The following ANKMY1 variants were observed in gnomAD, a reference collection of about 807,000 sequenced individuals.
ANKMY1 encodes ankyrin repeat and MYND domain-containing protein 1.
In ANKMY1, 98 loss-of-function variants were observed where a neutral mutation model predicts 102.0. The ratio of observed to expected loss-of-function variants is 0.96; its 90% CI spans 0.82 to 1.14. ANKMY1 has a LOEUF of 1.14. Among genes scored for constraint, ANKMY1 ranks in the 50% most tolerant of loss-of-function variants. The probability of loss-of-function intolerance (pLI) is 0.00; values close to 1 mark genes in which losing one functional copy is unlikely to be tolerated. For synonymous variants in ANKMY1, 582 were observed against 559.9 expected (o/e 1.04, Z -0.56); for missense variants, 1,330 against 1,347.6 (o/e 0.99, Z 0.20).
At chr2:240,479,843 C>T (rs1196267139) in intron 17 of ANKMY1, among the ~76,000 whole-genome samples, 188 bp from the exon 18 acceptor site, 2 of 152,182 alleles carry the variant, frequency 1.3e-5, no homozygotes, top group Non-Finnish European at 2.9e-5. Context: ...AAAGAGGGGC[C>T]TGCCACACCC....
rs1559391929 is a variant in ANKMY1 at position 240,554,859 on chromosome 2, C to G, written c.336+7G>C. ...GGAGGAGGCGGAGAAAGTGTGGAAG[C>G]AGTTACCTCGCCTGTGGGCCAAGAG... On this transcript the variant is annotated splice_region_variant and intron_variant, in intron 3 of 17. Coordinates refer to ENST00000401804, the MANE Select transcript of ANKMY1 (RefSeq NM_001282771.3). The G allele has an allele frequency of 4.3e-6, 7 of 1,613,830 alleles. No homozygotes were observed. Among genetic ancestry groups the G allele is most frequent in the Admixed American group, 1.7e-5 (1 of 59,992 alleles).
rs1410201187 is a variant in ANKMY1, at chr2:240,520,821, CCCACACACAAG to C, written c.1833-299_1833-289del. ...CCACACAGTACACACAGCACACAAC[CCCACACACAAG>C]CCACACCAGAGCGCACACACCATAG... On this transcript the variant is annotated intron_variant, in intron 8 of 17. Coordinates refer to ENST00000401804, the MANE Select transcript of ANKMY1 (RefSeq NM_001282771.3). This position sits in a 1 kb window ranked among gnomAD's most constrained non-coding sequence, Gnocchi z 4.8. Among the ~76,000 whole-genome samples, 3 of 149,960 alleles carry C rather than the reference CCCACACACAAG, an allele frequency of 2.0e-5. No individual in the cohort carries two copies. Among genetic ancestry groups the C allele is most frequent in the African/African-American group, 7.4e-5 (3 of 40,666 alleles).
Position 240,500,553 on chromosome 2 carries a change from T to G in ANKMY1, c.2539A>C (p.Ile847Leu), listed in dbSNP as rs1439237984. 6.2e-7 allele frequency: 1 copy of G among 1,614,020 alleles called. No individual in the cohort carries two copies. Among genetic ancestry groups the G allele is most frequent in the East Asian group, 2.2e-5 (1 of 44,880 alleles). ...DSKLALIDRL[I>L]SHGADILKPV... Reference sequence around the variant, plus strand: ...TTCAGGATGTCGGCCCCGTGACTGATGAGTCGGTCAATCTGTGGAGAACAG... The same window carrying G: ...TTCAGGATGTCGGCCCCGTGACTGAGGAGTCGGTCAATCTGTGGAGAACAG... The change falls in exon 14 of 18, where the codon ATC becomes CTC. Residue 847 changes from isoleucine to leucine, a missense_variant. Ile to Leu is a conservative substitution (Grantham distance 5). Coordinates refer to ENST00000401804, the MANE Select transcript of ANKMY1 (RefSeq NM_001282771.3).
At chr2:240,539,231 G>A (rs2087890968) in intron 4 of ANKMY1, among the ~76,000 whole-genome samples, 1 of 152,132 alleles carries the variant, frequency 6.6e-6, no homozygotes, top group Non-Finnish European at 1.5e-5. Context: ...TCACCGCAAA[G>A]GTCTGCAGCT....
intron 5 of ANKMY1, chr2:240,526,754 A>C: frequency 7.8e-7 from 1 of 1,290,156 alleles, no homozygotes; most frequent in Non-Finnish European, 9.9e-7. Flanking sequence ...TTGCTAAGAA[A>C]TGGGCTGTAA....
intron 15 of ANKMY1, among the ~76,000 whole-genome samples, chr2:240,493,310 G>C (rs190520835): frequency 0.011 from 1,657 of 152,234 alleles, 19 homozygotes; most frequent in Non-Finnish European, 0.016. Flanking sequence ...CTGGGTGACA[G>C]AGTGAGACTC....
the ANKMY1 span, among the ~76,000 whole-genome samples, chr2:240,469,284 T>C: frequency 1.3e-5 from 2 of 151,990 alleles, no homozygotes; most frequent in African/African-American, 4.8e-5. Context: ...ACGCCAGGAG[T>C]GGGTGGGCAG....
At chr2:240,470,353 A>G in the ANKMY1 span, among the ~76,000 whole-genome samples, 1 of 152,184 alleles carries the variant, frequency 6.6e-6, no homozygotes, top group Non-Finnish European at 1.5e-5. Context: ...AGAGACCCCA[A>G]CAAGGCCACC....
In ANKMY1 at chr2:240,524,158, A is replaced by G; in HGVS notation, c.1559T>C (p.Leu520Pro). 6.2e-7 allele frequency: 1 copy of G among 1,613,980 alleles called. No individual in the cohort carries two copies. The highest frequency in any genetic ancestry group is 8.5e-7 in the Non-Finnish European group (1 of 1,180,024). ...CTTCACCAACGGGGAGTCCCCCTTC[A>G]GAGAGCTGCTCCTGTGGTCTATGGA... ...GGSIDHRSSS[L>P]KGDSPLVKGS... is the part of the protein sequence containing the mutation. The change falls in exon 8 of 18, where the codon CTG becomes CCG. Residue 520 changes from leucine (L) to proline (P), a missense_variant. By Grantham distance (98) the Leu-to-Pro change is moderately conservative. Transcript: ENST00000401804.
chr2:240,475,235 A>G (rs575787816), downstream of ANKMY1, among the ~76,000 whole-genome samples: 1 of 152,298 alleles, frequency 6.6e-6, no homozygotes, highest in African/African-American at 2.4e-5. Flanking sequence ...TGAAGAGTGG[A>G]CATGATCTCT....
chr2:240,535,603 T>A (rs1171985564), intron 4 of ANKMY1, among the ~76,000 whole-genome samples: 1 of 152,226 alleles, frequency 6.6e-6, no homozygotes, highest in Non-Finnish European at 1.5e-5. Flanking sequence ...ATTTTGAGGA[T>A]AAATATTCTT....
In ANKMY1 at chr2:240,512,053, C is replaced by T. The variant is rs368435597; in HGVS notation, c.2146-52G>A. On this transcript the variant is annotated intron_variant, in intron 10 of 17. Coordinates refer to ENST00000401804, the MANE Select transcript of ANKMY1 (RefSeq NM_001282771.3). ...CGCCCACGGACCTGCCGTGTGCCCA[C>T]GGGAAGGCAAACGGAGCAAGGGAGC... 35 of 1,483,262 alleles carry T rather than the reference C, an allele frequency of 2.4e-5. No homozygotes were observed. In the African/African-American group the frequency reaches 4.1e-4, roughly 17 times the overall value. The allele number at this position is 1,483,262 out of a possible 1,614,324, so 91.9% of individuals were successfully genotyped here.
At chr2:240,521,124 G>C (rs900417031) in intron 8 of ANKMY1, among the ~76,000 whole-genome samples, 1 of 152,146 alleles carries the variant, frequency 6.6e-6, no homozygotes, top group Non-Finnish European at 1.5e-5. Flanking sequence ...GCCGCGCAGG[G>C]CTGAGGGAGG....
chr2:240,530,434 G>A (rs1262468089), intron 4 of ANKMY1, among the ~76,000 whole-genome samples: 1 of 152,138 alleles, frequency 6.6e-6, no homozygotes, highest in Non-Finnish European at 1.5e-5. Flanking sequence ...CACGAGATCT[G>A]CTTGTTTAAA....
At chr2:240,539,970 G>T (rs1022899777) in intron 4 of ANKMY1, among the ~76,000 whole-genome samples, 1 of 152,164 alleles carries the variant, frequency 6.6e-6, no homozygotes, top group African/African-American at 2.4e-5. Flanking sequence ...AGACCAGAAG[G>T]CTGACAAAAC....
chr2:240,492,162 T>A (rs987096706), intron 15 of ANKMY1, among the ~76,000 whole-genome samples: 1 of 151,984 alleles, frequency 6.6e-6, no homozygotes, highest in Non-Finnish European at 1.5e-5. Flanking sequence ...CCAGCTAATT[T>A]TTTTCTTTTT....
chr2:240,533,276 G>T (rs1181497207), intron 4 of ANKMY1, among the ~76,000 whole-genome samples: 1 of 152,082 alleles, frequency 6.6e-6, no homozygotes, highest in African/African-American at 2.4e-5. Context: ...AGAAAAAAGA[G>T]AAGAAATGTA....
At position 240,509,499 on chromosome 2, in the gene ANKMY1, T is replaced by A. The variant is rs535174102; in HGVS notation, c.2287-44A>T. 124 of 1,367,272 alleles carry A rather than the reference T, an allele frequency of 9.1e-5. 1 individual carries two copies. In the South Asian group the frequency reaches 1.4e-3, roughly 16 times the overall value. The allele number at this position is 1,367,272 out of a possible 1,614,324, so 84.7% of individuals were successfully genotyped here. A position where few individuals can be genotyped will look rare whatever the true frequency, so the allele number is the denominator to read the frequency against. On this transcript the variant is annotated intron_variant, in intron 11 of 17. Transcript: ENST00000401804. ...CAGGTTAGAGAGGCACCCCCACCCATAAGCAGCACCTGATGGTAGTCATTA... is the reference window on the plus strand; with the variant it reads ...CAGGTTAGAGAGGCACCCCCACCCAAAAGCAGCACCTGATGGTAGTCATTA...
chr2:240,524,443 CCTT>C lies in ANKMY1; in HGVS notation c.1336-65_1336-63del, dbSNP rs543996521. On this transcript the variant is annotated intron_variant, in intron 7 of 17. Transcript: ENST00000401804. ...TTGGAGTGATAACCTCATTCTAGGA[CCTT>C]CTTCAGCAAGGACCAATGCCCGTGG... 1.4e-5 allele frequency: 21 copies of C among 1,523,736 alleles called. No individual in the cohort carries two copies. In the South Asian group the frequency reaches 2.5e-4, roughly 18 times the overall value. The allele number at this position is 1,523,736 out of a possible 1,614,324, so 94.4% of individuals were successfully genotyped here.
Sources: allele counts gnomAD v4.1 joint callset (sites outside exome capture counted in the v4.1 genomes callset), GRCh38; gene constraint gnomAD v4.1.1; non-coding constraint Gnocchi (gnomAD v3.1); transcripts MANE v1.5; gene names NCBI Gene and HGNC (gene_info 2026-07-23, HGNC 2026-07-21).